UST: variants seen among roughly 807,000 people sequenced by gnomAD.
UST encodes the protein chondroitin sulfate 2-O-sulfotransferase.
Under a neutral mutation model 45.6 loss-of-function variants are expected in UST, and 21 were observed. The observed-to-expected ratio is 0.46, with a 90% CI of 0.33 to 0.66. UST has a LOEUF of 0.66. Ranked by LOEUF, UST falls within the 30% of genes least tolerant of loss-of-function variation. UST has a pLI of 0.02. For synonymous variants in UST, 215 were observed against 200.6 expected, an observed-to-expected ratio of 1.07 and a Z score of -0.61; for missense variants, 463 against 512.4, an observed-to-expected ratio of 0.90 and a Z score of 0.93.
intron 5 of UST, among the ~76,000 whole-genome samples, chr6:148,974,714 A>G (rs1386599444): frequency 1.3e-5 from 2 of 152,240 alleles, no homozygotes; most frequent in Admixed American, 1.3e-4. Context: ...CAAAGCTTTT[A>G]AAACACCGAT....
intron 5 of UST, among the ~76,000 whole-genome samples, chr6:148,981,229 C>G (rs892788180): frequency 1.3e-5 from 2 of 152,208 alleles, no homozygotes; most frequent in African/African-American, 4.8e-5. Flanking sequence ...TTAATCCTCA[C>G]AATGATCTTA....
chr6:149,010,907 A>ACAAAC (rs1191337557), intron 5 of UST, among the ~76,000 whole-genome samples: 28,929 of 140,466 alleles, frequency 0.21, 3,822 homozygotes, highest in South Asian at 0.3. Context: ...AAAAAAAAAA[A>ACAAAC]AAAAAAAAAA....
At chr6:148,752,877 G>A (rs9485326) in intron 1 of UST, among the ~76,000 whole-genome samples, 66,266 of 151,888 alleles carry the variant, frequency 0.44, 14,651 homozygotes, top group African/African-American at 0.48. Context: ...ATTAGGAGTT[G>A]CTGCTTTTTT....
chr6:148,809,877 G>A (rs1582825823), intron 1 of UST, among the ~76,000 whole-genome samples: 2 of 152,196 alleles, frequency 1.3e-5, no homozygotes, highest in East Asian at 3.9e-4. Context: ...ATATTGTTCA[G>A]CCCAGTGTGT....
At chr6:148,969,155 T>C (rs186945233) in intron 5 of UST, among the ~76,000 whole-genome samples, 5 of 152,314 alleles carry the variant, frequency 3.3e-5, no homozygotes, top group African/African-American at 1.2e-4. Flanking sequence ...AATACCAGCA[T>C]GTGGAAATTT....
intron 2 of UST, among the ~76,000 whole-genome samples, chr6:148,921,694 G>A (rs149035713): frequency 8.7e-4 from 133 of 152,294 alleles, no homozygotes; most frequent in African/African-American, 3.0e-3. Flanking sequence ...AACTTCCTCT[G>A]AGCAGGATGG....
chr6:148,857,941 T>C (rs1016591292), intron 1 of UST, among the ~76,000 whole-genome samples: 17 of 151,942 alleles, frequency 1.1e-4, no homozygotes, highest in African/African-American at 4.1e-4. Flanking sequence ...AAAACAACAC[T>C]TGGGCGAAAA....
chr6:148,808,409 G>A (rs1352774487), intron 1 of UST, among the ~76,000 whole-genome samples: 1 of 152,086 alleles, frequency 6.6e-6, no homozygotes, highest in Non-Finnish European at 1.5e-5. Context: ...TAGGAGAGAT[G>A]GCTTTTGCCT....
intron 5 of UST, among the ~76,000 whole-genome samples, chr6:149,016,917 G>A (rs17081394): frequency 0.014 from 2,080 of 152,220 alleles, 55 homozygotes; most frequent in African/African-American, 0.048. Flanking sequence ...TGGGTCCCTC[G>A]GACTAAAGGC....
chr6:149,043,683 G>T (rs1776359274), intron 7 of UST, among the ~76,000 whole-genome samples: 1 of 152,260 alleles, frequency 6.6e-6, no homozygotes, highest in Admixed American at 6.5e-5. Flanking sequence ...CTGGCCCGAG[G>T]CCCTGAGGCC....
chr6:148,877,893 T>C (rs1582871977), intron 1 of UST, among the ~76,000 whole-genome samples: 10 of 41,642 alleles, frequency 2.4e-4, no homozygotes, highest in Admixed American at 3.7e-4. Flanking sequence ...TGTATGAGTT[T>C]GGGGGGTCAT....
At chr6:148,805,296 G>A (rs927050815) in intron 1 of UST, among the ~76,000 whole-genome samples, 8 of 152,126 alleles carry the variant, frequency 5.3e-5, no homozygotes, top group African/African-American at 1.4e-4. Context: ...TGTTTGTTAC[G>A]TTGTGTAGAA....
intron 5 of UST, among the ~76,000 whole-genome samples, chr6:148,985,020 T>C (rs966515441): frequency 6.6e-6 from 1 of 152,276 alleles, no homozygotes; most frequent in South Asian, 2.1e-4. Context: ...AGGTTTCTAG[T>C]TGGAGTAAGC....
chr6:148,918,725 G>A (rs764728998), intron 2 of UST, among the ~76,000 whole-genome samples: 3 of 152,140 alleles, frequency 2.0e-5, no homozygotes, highest in Non-Finnish European at 4.4e-5. Context: ...CGGTAACCTC[G>A]TTATGGTGTG....
intron 7 of UST, among the ~76,000 whole-genome samples, chr6:149,049,921 T>TCACACA (rs1392198421): frequency 2.0e-5 from 2 of 101,368 alleles, no homozygotes; most frequent in African/African-American, 8.6e-5. Context: ...TCTCTCTCTC[T>TCACACA]CTCTCTCTCT....
intron 1 of UST, among the ~76,000 whole-genome samples, chr6:148,755,644 CT>C (rs71270312): frequency 1.5e-4 from 21 of 138,522 alleles, no homozygotes; most frequent in Admixed American, 4.2e-4. Context: ...CTGATGGTTT[CT>C]TTTTTTTTTC....
At chr6:148,992,987 C>G (rs555234603) in intron 5 of UST, 5 of 985,314 alleles carry the variant, frequency 5.1e-6, no homozygotes, top group Non-Finnish European at 6.0e-6. Context: ...TCCACAGACC[C>G]CTTTGGGCGG....
chr6:148,780,008 A>G (rs543476708), intron 1 of UST, among the ~76,000 whole-genome samples: 32 of 152,168 alleles, frequency 2.1e-4, no homozygotes, highest in African/African-American at 6.7e-4. Context: ...GTCTCCAGAC[A>G]CTGAGTTATA....
intron 7 of UST, among the ~76,000 whole-genome samples, chr6:149,060,514 C>T (rs73599938): frequency 1.3e-5 from 2 of 152,186 alleles, no homozygotes; most frequent in African/African-American, 2.4e-5. Flanking sequence ...GTATGGCCTC[C>T]CCTATAATTC....
Sources: gnomAD v4.1 joint callset for allele counts (sites outside exome capture counted in the v4.1 genomes callset) on GRCh38, gnomAD v4.1.1 for gene constraint, MANE v1.5 for transcripts, NCBI Gene and HGNC (gene_info 2026-07-23, HGNC 2026-07-21) for gene names.